The following CS variants were observed in gnomAD, a reference collection of about 807,000 sequenced individuals.
CS encodes the protein citrate synthase.
CS carries 13 observed loss-of-function variants against 61.4 expected under a neutral mutation model. That is an observed-to-expected ratio of 0.21 (90% CI 0.14 to 0.34). CS has a LOEUF of 0.34. CS is among the 10% of genes least tolerant of loss of function. The probability of loss-of-function intolerance (pLI) is 1.00; values close to 1 mark genes in which losing one functional copy is unlikely to be tolerated. For missense variants in CS, 278 were observed against 573.4 expected (o/e 0.48, Z 5.26); for synonymous variants, 159 against 215.2 (o/e 0.74, Z 2.29).
Position 56,273,011 on chromosome 12 carries a change from C to A in CS, c.*73G>T. 6 of 1,010,350 alleles carry A rather than the reference C, an allele frequency of 5.9e-6. No homozygotes were observed. In the South Asian group the frequency reaches 8.0e-5, roughly 13 times the overall value. 62.6% of individuals were successfully genotyped at this position (1,010,350 alleles called of 1,614,324 possible). The stretch of plus-strand genomic sequence containing the variant: ...ATTTAATCTTAAGTCTTTAAAGGCC[C>A]CCTGAAACAAAAGTATACTTTTTAT... On this transcript the variant is annotated 3_prime_UTR_variant, in exon 11 of 11. Coordinates refer to ENST00000351328, the MANE Select transcript of CS (RefSeq NM_004077.3).
intron 6 of CS, among the ~76,000 whole-genome samples, chr12:56,278,939 A>G (rs1034342177): frequency 2.0e-5 from 3 of 151,730 alleles, no homozygotes; most frequent in Admixed American, 2.0e-4. Context: ...ACGCTCAGCT[A>G]ATTTTTGTAT....
At chr12:56,286,878 C>CA (rs1273723254) in intron 1 of CS, among the ~76,000 whole-genome samples, 2 of 152,164 alleles carry the variant, frequency 1.3e-5, no homozygotes, top group Non-Finnish European at 2.9e-5. Context: ...TCCTTGAAGA[C>CA]AGACTCTTTC....
chr12:56,286,538 C>G, intron 2 of CS, 57 bp downstream of exon 2: 1 of 1,550,210 alleles, frequency 6.5e-7, no homozygotes, highest in Non-Finnish European at 8.9e-7. Flanking sequence ...ATCCTCTGCC[C>G]CAAGGTCAGG....
intron 6 of CS, among the ~76,000 whole-genome samples, chr12:56,279,568 A>C (rs1439273305): frequency 6.6e-6 from 1 of 151,372 alleles, no homozygotes; most frequent in Non-Finnish European, 1.5e-5. Flanking sequence ...AGATCGAGAC[A>C]ATCCTGGCTA....
intron 1 of CS, among the ~76,000 whole-genome samples, chr12:56,287,582 TAA>T (rs1476811435): frequency 6.8e-6 from 1 of 146,206 alleles, no homozygotes; most frequent in Admixed American, 6.9e-5. Flanking sequence ...TTTCCTCAAA[TAA>T]AAAATACATC....
In CS at chr12:56,275,889, T is replaced by C. The variant is rs1872612439; in HGVS notation, c.788+107A>G. 9 of 985,536 alleles carry C rather than the reference T, an allele frequency of 9.1e-6. No individual in the cohort carries two copies. In the East Asian group the frequency reaches 1.7e-4, roughly 19 times the overall value. 61.0% of individuals were successfully genotyped at this position (985,536 alleles called of 1,614,324 possible). A position where few individuals can be genotyped will look rare whatever the true frequency, so the allele number is the denominator to read the frequency against. ...TCCTTTATGCCACGTTTCTGTCTTC[T>C]TGCTGCCTATCATCTGTTCTCAGAA... On this transcript the variant is annotated intron_variant, in intron 7 of 10. Transcript: ENST00000351328.
intron 1 of CS, among the ~76,000 whole-genome samples, chr12:56,298,146 G>A (rs1592416047): frequency 6.6e-6 from 1 of 152,132 alleles, no homozygotes; most frequent in African/African-American, 2.4e-5. Context: ...TTACAGGCAT[G>A]TGCCACCATG....
At chr12:56,299,832 G>T in intron 1 of CS, 1 of 313,846 alleles carries the variant, frequency 3.2e-6, no homozygotes, top group Non-Finnish European at 6.0e-6. Flanking sequence ...CTCTACCAGA[G>T]GTTCCTGTCT....
chr12:56,274,597 G>A (rs1872586147), intron 9 of CS, 180 bp downstream of exon 9: 1 of 524,292 alleles, frequency 1.9e-6, no homozygotes, highest in Non-Finnish European at 3.3e-6. Flanking sequence ...CCAAGTAGGT[G>A]GGACTACAGG....
intron 9 of CS, 36 bp from the exon 10 acceptor site, chr12:56,273,832 T>C (rs994053969): frequency 2.6e-6 from 4 of 1,544,462 alleles, no homozygotes; most frequent in Non-Finnish European, 2.7e-6. Flanking sequence ...GTATTCTCAG[T>C]AGAAATTCTT....
At chr12:56,280,972 C>T (rs990349915) in intron 6 of CS, among the ~76,000 whole-genome samples, 2 of 152,174 alleles carry the variant, frequency 1.3e-5, no homozygotes, top group African/African-American at 2.4e-5. Context: ...CAATTCTCTA[C>T]ACACAGTTGG....
intron 1 of CS, 84 bp downstream of exon 1, chr12:56,300,076 T>A: frequency 7.2e-7 from 1 of 1,392,306 alleles, no homozygotes; most frequent in Non-Finnish European, 9.8e-7. Context: ...CGCACGGGTG[T>A]GGGAGGGAGA....
chr12:56,298,687 G>C (rs1346750787), intron 1 of CS: 1 of 985,142 alleles, frequency 1.0e-6, no homozygotes, highest in African/African-American at 1.7e-5. Flanking sequence ...CTTGCCACTG[G>C]GTGCCTGGAA....
chr12:56,298,716 C>T, intron 1 of CS: 1 of 979,402 alleles, frequency 1.0e-6, no homozygotes, highest in African/African-American at 1.7e-5. Context: ...GTAAATCTTA[C>T]AAATTTCACT....
At chr12:56,289,862 T>C (rs1873061206) in intron 1 of CS, among the ~76,000 whole-genome samples, 1 of 152,120 alleles carries the variant, frequency 6.6e-6, no homozygotes, top group Admixed American at 6.6e-5. Context: ...AGTGCTGAGA[T>C]TACCGGCATG....
At chr12:56,283,587 C>T (rs1872841393) in intron 4 of CS, among the ~76,000 whole-genome samples, 1 of 152,190 alleles carries the variant, frequency 6.6e-6, no homozygotes, top group Non-Finnish European at 1.5e-5. Flanking sequence ...CATAACTTAC[C>T]TCTGGTTTTG....
At chr12:56,282,147 G>C (rs1477130771) in intron 6 of CS, among the ~76,000 whole-genome samples, 1 of 152,196 alleles carries the variant, frequency 6.6e-6, no homozygotes. Flanking sequence ...ATGAGCCACT[G>C]TGCCCGGCCG....
At chr12:56,295,074 T>C (rs143528484) in intron 1 of CS, among the ~76,000 whole-genome samples, 44 of 152,088 alleles carry the variant, frequency 2.9e-4, no homozygotes, top group African/African-American at 8.4e-4. Context: ...CCAACACTTA[T>C]TGTACTTTAA....
In CS at chr12:56,273,704, G is replaced by A. The variant is rs1485586627; in HGVS notation, c.1113C>T (p.Asp371=). 6.2e-7 allele frequency: 1 copy of A among 1,614,216 alleles called. No homozygotes were observed. The highest frequency in any genetic ancestry group is 1.1e-5 in the South Asian group (1 of 91,088). The change falls in exon 10 of 11, where the codon GAC becomes GAT. Residue 371 remains aspartate (D), a synonymous_variant. Coordinates refer to ENST00000351328, the MANE Select transcript of CS (RefSeq NM_004077.3). ...GCTGAGCAACCAACTTAAACATGGG[G>A]TCATTAGGCAGGTGTTTCAGAGCAA... ...REFALKHLPN[D]PMFKLVAQLY... is the part of the protein sequence containing the mutation.
Sources: gnomAD v4.1 joint callset for allele counts (sites outside exome capture counted in the v4.1 genomes callset) on GRCh38, gnomAD v4.1.1 for gene constraint, MANE v1.5 for transcripts, NCBI Gene and HGNC (gene_info 2026-07-23, HGNC 2026-07-21) for gene names.